The following BBIP1 variants were observed in gnomAD, a reference collection of about 807,000 sequenced individuals.
BBIP1 encodes BBSome-interacting protein 1.
In BBIP1, 6 loss-of-function variants were observed where a neutral mutation model predicts 8.9. The observed-to-expected ratio is 0.67, with a 90% confidence interval of 0.37 to 1.33. The LOEUF (loss-of-function observed/expected upper bound fraction) is 1.33. Ranked by LOEUF, BBIP1 falls within the 40% of genes most tolerant of loss-of-function variation. The pLI, the probability that BBIP1 is intolerant of heterozygous loss-of-function variation, is 0.02. For synonymous variants in BBIP1, 32 were observed against 33.4 expected, an observed-to-expected ratio of 0.96 and a Z score of 0.14; for missense variants, 111 against 109.2, an observed-to-expected ratio of 1.02 and a Z score of -0.07.
chr10:110,901,345 T>A (rs889864662), intron 3 of BBIP1, 193 bp downstream of exon 3: 9 of 574,550 alleles, frequency 1.6e-5, no homozygotes, highest in Non-Finnish European at 2.2e-5. Context: ...CAATTTTAGG[T>A]ATAAGAAACA....
upstream of BBIP1, chr10:110,919,255 G>A (rs959698541): frequency 4.0e-6 from 1 of 249,364 alleles, no homozygotes; most frequent in African/African-American, 2.2e-5. Flanking sequence ...GGCCGCCTTA[G>A]CTTCAACAGT....
At chr10:110,901,232 G>A (rs1012042533) in intron 3 of BBIP1, 1 of 415,764 alleles carries the variant, frequency 2.4e-6, no homozygotes, top group Non-Finnish European at 4.6e-6. Context: ...GTGAGCTACG[G>A]TTGTGCCAGC....
chr10:110,916,924 TAACCAGC>T (rs1446278196), intron 2 of BBIP1, among the ~76,000 whole-genome samples: 6 of 152,216 alleles, frequency 3.9e-5, no homozygotes, highest in African/African-American at 1.4e-4. Flanking sequence ...GAGATGGATT[TAACCAGC>T]AACTCACGGC....
At chr10:110,903,892 AGT>A (rs1184150119) in intron 2 of BBIP1, 4 of 152,242 alleles carry the variant, frequency 2.6e-5, no homozygotes, top group African/African-American at 9.6e-5. Context: ...GACAAAGTAA[AGT>A]GTTCTGCCAC....
At chr10:110,917,707 T>G (rs539604700) in intron 2 of BBIP1, among the ~76,000 whole-genome samples, 1 of 152,304 alleles carries the variant, frequency 6.6e-6, no homozygotes, top group African/African-American at 2.4e-5. Context: ...ATATTCAAAC[T>G]TTCAGTAAGT....
At chr10:110,914,920 T>C (rs759088078) in intron 2 of BBIP1, among the ~76,000 whole-genome samples, 20 of 152,190 alleles carry the variant, frequency 1.3e-4, no homozygotes, top group Non-Finnish European at 2.6e-4. Flanking sequence ...TAGTAGACAG[T>C]GGTCCTAAAA....
At chr10:110,907,751 T>C (rs1846181461) in intron 2 of BBIP1, 1 of 702,444 alleles carries the variant, frequency 1.4e-6, no homozygotes, top group Admixed American at 2.0e-5. Context: ...GTATAAAGGA[T>C]GGTGATTGAT....
chr10:110,910,230 G>T (rs1371243890), intron 2 of BBIP1, among the ~76,000 whole-genome samples: 1 of 152,098 alleles, frequency 6.6e-6, no homozygotes, highest in Non-Finnish European at 1.5e-5. Context: ...TAGACAAAGC[G>T]AAAAATACGT....
intron 2 of BBIP1, chr10:110,907,792 A>G (rs1846182693): frequency 1.4e-6 from 1 of 701,784 alleles, no homozygotes; most frequent in South Asian, 1.5e-5. Flanking sequence ...TGAGATGTTA[A>G]TGGACTTTCT....
At chr10:110,902,383 T>C (rs2134020139) in intron 2 of BBIP1, 1 of 152,386 alleles carries the variant, frequency 6.6e-6, no homozygotes, top group East Asian at 1.9e-4. Flanking sequence ...TGGACTAAGC[T>C]GTAGAATGAT....
intron 1 of BBIP1, 119 bp from the exon 2 acceptor site, chr10:110,918,332 C>G (rs940380600): frequency 9.9e-6 from 6 of 604,434 alleles, no homozygotes; most frequent in Admixed American, 5.9e-5. Context: ...ACCACCAGAA[C>G]CGCAGTCAAA....
Position 110,899,289 on chromosome 10 carries a change from T to TA in BBIP1, c.*1070dup, listed in dbSNP as rs1373445108. 5 of 152,212 alleles carry TA rather than the reference T, an allele frequency of 3.3e-5. No homozygotes were observed. Among genetic ancestry groups the TA allele is most frequent in the African/African-American group, 1.2e-4 (5 of 41,452 alleles). 9.4% of individuals were successfully genotyped at this position (152,212 alleles called of 1,614,324 possible). On this transcript the variant is annotated 3_prime_UTR_variant, in exon 4 of 4. Transcript: ENST00000448814. ...GGAGTATACTGCTTACAGGTTTAGA[T>TA]ATAGTCTGTTAGAATTAAAACCAAG...
chr10:110,918,503 C>G (rs1846495533), intron 1 of BBIP1, among the ~76,000 whole-genome samples: 1 of 152,222 alleles, frequency 6.6e-6, no homozygotes, highest in African/African-American at 2.4e-5. Context: ...TTCCCGAATT[C>G]TCCTCCCTCC....
chr10:110,900,397 T>C lies in BBIP1; in HGVS notation c.242A>G (p.Glu81Gly). 6.5e-7 allele frequency: 1 copy of C among 1,535,590 alleles called. No homozygotes were observed. ...TTGCCGTTGATCCTTTTCTGCCATTTCTTGTTGGCGAATTGTATTCTGTGC... is the reference window on the plus strand; with the variant it reads ...TTGCCGTTGATCCTTTTCTGCCATTCCTTGTTGGCGAATTGTATTCTGTGC... ...QAAQNTIRQQ[E>G]MAEKDQRQIT... is the part of the protein sequence containing the mutation. The change falls in exon 4 of 4, where the codon GAA becomes GGA. Residue 81 changes from glutamate to glycine, a missense_variant. Coordinates refer to ENST00000448814, the MANE Select transcript of BBIP1 (RefSeq NM_001195305.3).
In BBIP1 at chr10:110,900,411, T is replaced by A. The variant is rs1379100840; in HGVS notation, c.228A>T (p.Thr76=). 1.3e-6 allele frequency: 2 copies of A among 1,535,784 alleles called. No homozygotes were observed. The highest frequency in any genetic ancestry group is 8.7e-7 in the Non-Finnish European group (1 of 1,146,832). ...LEKMHQAAQN[T]IRQQEMAEKD... Reference sequence around the variant, plus strand: ...TTTCTGCCATTTCTTGTTGGCGAATTGTATTCTGTGCTGCTTGATGCATTT... The same window carrying A: ...TTTCTGCCATTTCTTGTTGGCGAATAGTATTCTGTGCTGCTTGATGCATTT... Residue 76 remains threonine (T), a synonymous_variant, in exon 4 of 4, where the codon ACA becomes ACT. Coordinates refer to ENST00000448814, the MANE Select transcript of BBIP1 (RefSeq NM_001195305.3).
chr10:110,919,300 T>C (rs2134058076), upstream of BBIP1: 1 of 332,432 alleles, frequency 3.0e-6, no homozygotes, highest in Non-Finnish European at 5.4e-6. Context: ...TCTACCCTGC[T>C]GGAGGCTTAC....
chr10:110,919,359 G>C, upstream of BBIP1: 1 of 381,832 alleles, frequency 2.6e-6, no homozygotes, highest in Non-Finnish European at 4.6e-6. Flanking sequence ...AGACGGCGTA[G>C]AGGAACTGAG....
At chr10:110,906,065 C>T (rs998535997) in intron 2 of BBIP1, among the ~76,000 whole-genome samples, 4 of 149,938 alleles carry the variant, frequency 2.7e-5, no homozygotes, top group Non-Finnish European at 4.4e-5. Context: ...AGCAGTGGCG[C>T]GATCTTGGCT....
intron 2 of BBIP1, among the ~76,000 whole-genome samples, chr10:110,905,172 G>T (rs1846098821): frequency 6.6e-6 from 1 of 152,206 alleles, no homozygotes. Flanking sequence ...TCTTTGTCAT[G>T]AAATATTTTA....
Sources: allele counts gnomAD v4.1 joint callset (sites outside exome capture counted in the v4.1 genomes callset), GRCh38; gene constraint gnomAD v4.1.1; transcripts MANE v1.5; gene names NCBI Gene and HGNC (gene_info 2026-07-23, HGNC 2026-07-21).